The following AOAH variants were observed in gnomAD, a reference collection of about 807,000 sequenced individuals.
AOAH encodes acyloxyacyl hydrolase (neutrophil).
AOAH carries 64 observed loss-of-function variants against 92.2 expected under a neutral mutation model. That is an observed-to-expected ratio of 0.69 (90% confidence interval 0.57 to 0.86). The LOEUF (loss-of-function observed/expected upper bound fraction) is 0.86, where lower values mean the gene tolerates loss of function less well. Among genes scored for constraint, AOAH ranks in the 40% least tolerant of loss-of-function variants. The probability of loss-of-function intolerance (pLI) is 0.00; values close to 1 mark genes in which losing one functional copy is unlikely to be tolerated. For synonymous variants in AOAH, 263 were observed against 254.5 expected (o/e 1.03, Z -0.32); for missense variants, 656 against 694.6 (o/e 0.94, Z 0.62).
chr7:36,571,821 T>C (rs1002442782), intron 13 of AOAH, among the ~76,000 whole-genome samples: 4 of 152,192 alleles, frequency 2.6e-5, no homozygotes, highest in African/African-American at 9.6e-5. Flanking sequence ...TTATTATTAT[T>C]AACATATAGC....
chr7:36,652,037 T>C (rs1794609440), intron 4 of AOAH, among the ~76,000 whole-genome samples: 1 of 152,180 alleles, frequency 6.6e-6, no homozygotes, highest in Middle Eastern at 3.2e-3. Context: ...GCAATGGGCA[T>C]ACCTAGCACC....
At chr7:36,717,383 C>A (rs1477195379) in intron 1 of AOAH, among the ~76,000 whole-genome samples, 1 of 152,096 alleles carries the variant, frequency 6.6e-6, no homozygotes, top group Non-Finnish European at 1.5e-5. Context: ...CCACTCCCAC[C>A]CACCCCTTAG....
chr7:36,548,758 G>C, intron 14 of AOAH, 72 bp from the exon 15 acceptor site: 1 of 1,396,566 alleles, frequency 7.2e-7, no homozygotes, highest in Non-Finnish European at 1.0e-6. Context: ...GACACAGGCT[G>C]GGCCTTTGAA....
intron 13 of AOAH, among the ~76,000 whole-genome samples, chr7:36,574,535 C>T (rs1400537038): frequency 1.3e-5 from 2 of 152,192 alleles, no homozygotes; most frequent in Non-Finnish European, 2.9e-5. Flanking sequence ...GTGATGTCGA[C>T]TTTGCACACC....
chr7:36,713,036 C>CA (rs1275498063), intron 1 of AOAH, among the ~76,000 whole-genome samples: 2 of 148,854 alleles, frequency 1.3e-5, no homozygotes, highest in Non-Finnish European at 3.0e-5. Flanking sequence ...CACAGACTGG[C>CA]AAATTGGATA....
chr7:36,521,088 C>T (rs989341295), intron 20 of AOAH, among the ~76,000 whole-genome samples: 11 of 151,956 alleles, frequency 7.2e-5, no homozygotes, highest in Non-Finnish European at 1.2e-4. Context: ...CTGTGTTTAC[C>T]GTCATTCAGG....
Position 36,641,036 on chromosome 7 carries a change from C to T in AOAH, c.391-3126G>A, listed in dbSNP as rs148456653. 2.8e-4 allele frequency among the ~76,000 whole-genome samples: 43 copies of T among 152,264 alleles called. 1 individual carries two copies. The highest frequency in any genetic ancestry group is 9.2e-4 in the African/African-American group (38 of 41,518). On this transcript the variant is annotated intron_variant, in intron 4 of 20. Transcript: ENST00000617537. The stretch of plus-strand genomic sequence containing the variant: ...GGGTTGAGAAAGCTTCTTAGGGGAC[C>T]TGCAGCTTGAGCTAAGCTCCTACTC...
At chr7:36,533,509 C>A (rs1298528096) in intron 16 of AOAH, among the ~76,000 whole-genome samples, 1 of 152,112 alleles carries the variant, frequency 6.6e-6, no homozygotes, top group Admixed American at 6.5e-5. Flanking sequence ...GTCACAGTGA[C>A]CCGCCAGGTC....
intron 20 of AOAH, among the ~76,000 whole-genome samples, chr7:36,513,886 G>A (rs1180201817): frequency 6.6e-6 from 1 of 152,178 alleles, no homozygotes; most frequent in African/African-American, 2.4e-5. Flanking sequence ...CAGAAACTGT[G>A]AGATCATAAG....
intron 1 of AOAH, among the ~76,000 whole-genome samples, chr7:36,708,157 CG>C (rs565276386): frequency 0.015 from 2,293 of 152,188 alleles, 52 homozygotes; most frequent in African/African-American, 0.052. Context: ...CCTCCTCTCC[CG>C]GAACTCCCGT....
At chr7:36,589,317 G>A (rs992932419) in intron 12 of AOAH, among the ~76,000 whole-genome samples, 2 of 152,128 alleles carry the variant, frequency 1.3e-5, no homozygotes, top group African/African-American at 4.8e-5. Context: ...TTAACAGCCT[G>A]TCAAGCACTC....
At chr7:36,607,264 G>A (rs548535105) in intron 11 of AOAH, among the ~76,000 whole-genome samples, 1 of 152,202 alleles carries the variant, frequency 6.6e-6, no homozygotes, top group Non-Finnish European at 1.5e-5. Context: ...AGGCAGAAGG[G>A]CCCATTATGA....
rs112743855 is a variant in AOAH at position 36,693,408 on chromosome 7, C to A, written c.128-6614G>T. Among the ~76,000 whole-genome samples the A allele has an allele frequency of 3.0e-3, 455 of 152,268 alleles. 1 individual carries two copies. Among genetic ancestry groups the A allele is most frequent in the African/African-American group, 0.011 (438 of 41,544 alleles). ...ATCCACTTAAAAATGAGACTTTAAT[C>A]TTATTTCACACTGATTAATTTTGCA... is the stretch of plus-strand genomic sequence containing the variant. On this transcript the variant is annotated intron_variant, in intron 1 of 20. Transcript: ENST00000617537.
intron 2 of AOAH, among the ~76,000 whole-genome samples, chr7:36,685,002 C>T (rs192606084): frequency 4.2e-4 from 63 of 148,972 alleles, no homozygotes; most frequent in East Asian, 4.1e-3. Context: ...GCACCTATGG[C>T]GGCCTCCTGA....
chr7:36,618,448 T>TTTAA, intron 9 of AOAH, 103 bp from the exon 10 acceptor site: 1 of 999,062 alleles, frequency 1.0e-6, no homozygotes, highest in Non-Finnish European at 1.6e-6. Flanking sequence ...GGCAAATGAG[T>TTTAA]AGATAAAACC....
chr7:36,532,359 G>A lies in AOAH; in HGVS notation c.1307-15C>T. The stretch of plus-strand genomic sequence containing the variant: ...ATTTAGCTGGCCTGGAAAACAGAGA[G>A]GTCTGGTAGATTGCATCCACTCGGC... On this transcript the variant is annotated splice_polypyrimidine_tract_variant and intron_variant, in intron 16 of 20. Coordinates refer to ENST00000617537, the MANE Select transcript of AOAH (RefSeq NM_001637.4). The A allele has an allele frequency of 9.3e-6, 15 of 1,612,972 alleles. No homozygotes were observed. Among genetic ancestry groups the A allele is most frequent in the Non-Finnish European group, 1.2e-5 (14 of 1,179,838 alleles).
At chr7:36,646,956 T>A (rs942081710) in intron 4 of AOAH, among the ~76,000 whole-genome samples, 3 of 152,356 alleles carry the variant, frequency 2.0e-5, no homozygotes, top group African/African-American at 7.2e-5. Context: ...GGGACTTGGA[T>A]ATGAACTTGG....
At chr7:36,719,802 GGT>G (rs1562730405) in intron 1 of AOAH, among the ~76,000 whole-genome samples, 1 of 152,066 alleles carries the variant, frequency 6.6e-6, no homozygotes, top group African/African-American at 2.4e-5. Context: ...CAGGCATGGT[GGT>G]GTGCACCTGT....
At chr7:36,591,527 T>C (rs1425522388) in intron 12 of AOAH, among the ~76,000 whole-genome samples, 4 of 152,206 alleles carry the variant, frequency 2.6e-5, no homozygotes, top group Admixed American at 6.5e-5. Context: ...TTAGAAACCA[T>C]TCATGTCTGA....
Sources: allele counts gnomAD v4.1 joint callset (sites outside exome capture counted in the v4.1 genomes callset), GRCh38; gene constraint gnomAD v4.1.1; transcripts MANE v1.5; gene names NCBI Gene and HGNC (gene_info 2026-07-23, HGNC 2026-07-21).